RUNX1: variants seen among roughly 807,000 people sequenced by gnomAD.
The protein encoded by RUNX1 is runt-related transcription factor 1.
Under a neutral mutation model 42.8 loss-of-function variants are expected in RUNX1, and 19 were observed. The observed-to-expected ratio is 0.44, with a 90% confidence interval of 0.31 to 0.65. The LOEUF (loss-of-function observed/expected upper bound fraction) is 0.65. Among genes scored for constraint, RUNX1 ranks in the 30% least tolerant of loss-of-function variants. The probability of loss-of-function intolerance (pLI) is 0.07; values close to 1 mark genes in which losing one functional copy is unlikely to be tolerated. For missense variants in RUNX1, 528 were observed against 672.0 expected (o/e 0.79, Z 2.37); for synonymous variants, 271 against 289.4 (o/e 0.94, Z 0.64).
intron 2 of RUNX1, among the ~76,000 whole-genome samples, chr21:34,930,270 GTATATATA>G (rs1555906427): frequency 8.1e-6 from 1 of 123,038 alleles, no homozygotes; most frequent in African/African-American, 3.8e-5. Flanking sequence ...GTGTGTGTAT[GTATATATA>G]TATATATATA....
chr21:34,922,325 C>G (rs950213888), intron 2 of RUNX1, among the ~76,000 whole-genome samples: 2 of 152,116 alleles, frequency 1.3e-5, no homozygotes, highest in African/African-American at 4.8e-5. Context: ...TGCAATGTAC[C>G]ATCCCTGGGC....
chr21:34,888,184 G>T (rs2058025726), intron 3 of RUNX1: 3 of 1,066,354 alleles, frequency 2.8e-6, no homozygotes, highest in Non-Finnish European at 3.4e-6. Flanking sequence ...CTCCTCCACC[G>T]TCGCCCAGCA....
intron 4 of RUNX1, 146 bp from the exon 5 acceptor site, chr21:34,880,859 C>A: frequency 6.0e-6 from 5 of 839,118 alleles, no homozygotes; most frequent in Non-Finnish European, 9.5e-6. Context: ...ATAACTTAAG[C>A]AAAACAACAG....
At chr21:34,937,337 A>AG in intron 2 of RUNX1, among the ~76,000 whole-genome samples, 1 of 151,638 alleles carries the variant, frequency 6.6e-6, no homozygotes, top group Non-Finnish European at 1.5e-5. Context: ...AAAAAAAAAA[A>AG]AGGTACAATA....
chr21:34,800,483 T>C (rs1437060419), intron 7 of RUNX1, among the ~76,000 whole-genome samples: 1 of 152,248 alleles, frequency 6.6e-6, no homozygotes, highest in African/African-American at 2.4e-5. Flanking sequence ...AGGGTCTTCA[T>C]AGCCAGAGCT....
intron 2 of RUNX1, among the ~76,000 whole-genome samples, chr21:35,001,809 T>G (rs961493239): frequency 5.3e-5 from 8 of 152,302 alleles, no homozygotes; most frequent in African/African-American, 1.9e-4. Flanking sequence ...TTGTAGAATA[T>G]ATAGAAACAC....
intron 2 of RUNX1, among the ~76,000 whole-genome samples, chr21:34,997,046 G>A (rs776317646): frequency 1.3e-5 from 2 of 152,126 alleles, no homozygotes; most frequent in East Asian, 1.9e-4. Context: ...AAATTTACTC[G>A]GGAGAAGAAA....
intron 2 of RUNX1, among the ~76,000 whole-genome samples, chr21:35,003,884 GA>G (rs1354036542): frequency 6.6e-6 from 1 of 152,238 alleles, no homozygotes; most frequent in East Asian, 1.9e-4. Context: ...AAATAAAAAA[GA>G]AAACCATATT....
chr21:34,923,006 CA>C (rs1209977908), intron 2 of RUNX1, among the ~76,000 whole-genome samples: 1 of 152,156 alleles, frequency 6.6e-6, no homozygotes, highest in Non-Finnish European at 1.5e-5. Context: ...AAATAGATAG[CA>C]ATTGGCATGG....
intron 2 of RUNX1, among the ~76,000 whole-genome samples, chr21:34,914,134 T>G (rs2058293956): frequency 6.6e-6 from 1 of 152,192 alleles, no homozygotes; most frequent in Non-Finnish European, 1.5e-5. Context: ...CTAAGGACTC[T>G]TGGAAGGAGG....
intron 2 of RUNX1, among the ~76,000 whole-genome samples, chr21:34,924,166 A>G (rs1031677176): frequency 6.6e-6 from 1 of 152,020 alleles, no homozygotes; most frequent in Admixed American, 6.5e-5. Context: ...CATCAATCCA[A>G]CTTGGGATCC....
intron 2 of RUNX1, among the ~76,000 whole-genome samples, chr21:34,909,200 G>T (rs937417287): frequency 6.6e-6 from 1 of 151,838 alleles, no homozygotes. Context: ...GTTCACTCCC[G>T]TGTGCAGTCC....
chr21:34,861,665 T>C (rs1196455187), intron 5 of RUNX1, among the ~76,000 whole-genome samples: 1 of 152,160 alleles, frequency 6.6e-6, no homozygotes, highest in Non-Finnish European at 1.5e-5. Context: ...CCATGAGCCA[T>C]GGCATTGAGA....
intron 2 of RUNX1, among the ~76,000 whole-genome samples, chr21:34,976,506 G>C (rs1198245313): frequency 6.6e-6 from 1 of 152,064 alleles, no homozygotes; most frequent in Non-Finnish European, 1.5e-5. Context: ...CATCCCCCTG[G>C]GTGCAATATT....
intron 2 of RUNX1, among the ~76,000 whole-genome samples, chr21:34,956,346 C>G (rs1196608485): frequency 1.3e-5 from 2 of 152,146 alleles, no homozygotes; most frequent in Non-Finnish European, 2.9e-5. Context: ...TCAAAAAAGT[C>G]TCTCATTTGA....
At chr21:34,885,184 A>T (rs1448367964) in intron 4 of RUNX1, among the ~76,000 whole-genome samples, 1 of 152,180 alleles carries the variant, frequency 6.6e-6, no homozygotes, top group Non-Finnish European at 1.5e-5. Flanking sequence ...AGGAAGCCAC[A>T]AATCTCTTAG....
rs779345790 is a variant in RUNX1 at position 34,859,373 on chromosome 21, A to T, written c.613+101T>A. The stretch of plus-strand genomic sequence containing the variant: ...CGGGGGCCTGACATCCCCCTGGGGG[A>T]AAGGTTGAACCCAAGGAATCTGAGA... On this transcript the variant is annotated intron_variant, in intron 6 of 8. Transcript: ENST00000675419. 4.1e-6 allele frequency: 4 copies of T among 974,912 alleles called. No homozygotes were observed. The African/African-American group carries it at 4.8e-5, about 12-fold the overall frequency. The allele number at this position is 974,912 out of a possible 1,614,324, so 60.4% of individuals were successfully genotyped here.
intron 2 of RUNX1, among the ~76,000 whole-genome samples, chr21:35,024,657 C>T (rs9305559): frequency 6.6e-6 from 1 of 152,148 alleles, no homozygotes; most frequent in Non-Finnish European, 1.5e-5. Flanking sequence ...TATGACAGCA[C>T]CAGGCTTTTA....
intron 2 of RUNX1, among the ~76,000 whole-genome samples, chr21:35,029,437 G>A (rs1020409039): frequency 2.6e-5 from 4 of 152,144 alleles, no homozygotes; most frequent in African/African-American, 9.7e-5. Context: ...TTCATTAACA[G>A]AGCCAGCATA....
Sources: allele counts gnomAD v4.1 joint callset (sites outside exome capture counted in the v4.1 genomes callset), GRCh38; gene constraint gnomAD v4.1.1; transcripts MANE v1.5; gene names NCBI Gene and HGNC (gene_info 2026-07-23, HGNC 2026-07-21).